Variants in ATOSA observed in about 807,000 individuals in gnomAD.
The protein encoded by ATOSA is atos homolog protein A.
At chr15:52,696,074 T>C in the ATOSA span, among the ~76,000 whole-genome samples, 2 of 152,192 alleles carry the variant, frequency 1.3e-5, no homozygotes, top group Admixed American at 6.5e-5. Context: ...TACGTGGTCT[T>C]ATTTATGTTT....
At chr15:52,654,577 C>T in the ATOSA span, among the ~76,000 whole-genome samples, 3 of 152,126 alleles carry the variant, frequency 2.0e-5, no homozygotes, top group East Asian at 5.8e-4. Flanking sequence ...TTCCCCTGCT[C>T]CTCCGGAACA....
the ATOSA span, chr15:52,590,923 G>C: frequency 2.6e-5 from 4 of 152,226 alleles, no homozygotes; most frequent in African/African-American, 9.6e-5. Context: ...ATTAAATTCA[G>C]TAACCTGATT....
the ATOSA span, among the ~76,000 whole-genome samples, chr15:52,608,373 A>C: frequency 1.7e-4 from 26 of 152,144 alleles, no homozygotes; most frequent in African/African-American, 6.0e-4. Flanking sequence ...TCCTCCATTT[A>C]CTTAGCATTT....
chr15:52,603,673 G>A, the ATOSA span, among the ~76,000 whole-genome samples: 1 of 152,144 alleles, frequency 6.6e-6, no homozygotes, highest in South Asian at 2.1e-4. Context: ...CCTGTCATTT[G>A]CAACAATATG....
At chr15:52,648,551 G>A in the ATOSA span, 1 of 152,062 alleles carries the variant, frequency 6.6e-6, no homozygotes, top group South Asian at 2.1e-4. Flanking sequence ...ATTATTGAAT[G>A]ACAGAACGAT....
At chr15:52,629,140 G>T in the ATOSA span, among the ~76,000 whole-genome samples, 4 of 151,952 alleles carry the variant, frequency 2.6e-5, no homozygotes, top group African/African-American at 9.7e-5. Flanking sequence ...GAGTTTTTTT[G>T]GATTGCTTTT....
At chr15:52,654,978 C>A in the ATOSA span, among the ~76,000 whole-genome samples, 1 of 151,956 alleles carries the variant, frequency 6.6e-6, no homozygotes, top group African/African-American at 2.4e-5. Flanking sequence ...TACCTACTGG[C>A]CCATGGGCCA....
At chr15:52,676,779 C>T in the ATOSA span, among the ~76,000 whole-genome samples, 3 of 152,182 alleles carry the variant, frequency 2.0e-5, no homozygotes, top group South Asian at 2.1e-4. Context: ...TGTAAAGCAA[C>T]TTTTCACAAC....
At chr15:52,666,926 G>C in the ATOSA span, among the ~76,000 whole-genome samples, 2 of 152,006 alleles carry the variant, frequency 1.3e-5, no homozygotes, top group Non-Finnish European at 2.9e-5. Flanking sequence ...GTCCGAGAAG[G>C]CTTCTTTGAT....
chr15:52,642,021 A>C, the ATOSA span, among the ~76,000 whole-genome samples: 1,133 of 152,356 alleles, frequency 7.4e-3, 14 homozygotes, highest in African/African-American at 0.026. Flanking sequence ...ATTCTCACAC[A>C]ATGAGAACTG....
the ATOSA span, among the ~76,000 whole-genome samples, chr15:52,666,662 G>A: frequency 6.6e-6 from 1 of 152,168 alleles, no homozygotes; most frequent in Non-Finnish European, 1.5e-5. Flanking sequence ...ATATTAAAAT[G>A]CATGCCAAGT....
the ATOSA span, among the ~76,000 whole-genome samples, chr15:52,645,606 G>A: frequency 3.3e-5 from 5 of 152,122 alleles, no homozygotes; most frequent in East Asian, 5.8e-4. Context: ...CAGTGTTATC[G>A]AGAAAACTTA....
chr15:52,625,620 T>C, the ATOSA span, among the ~76,000 whole-genome samples: 1 of 151,986 alleles, frequency 6.6e-6, no homozygotes, highest in Non-Finnish European at 1.5e-5. Context: ...TTCAACCAAG[T>C]ATCTCTGCTC....
the ATOSA span, among the ~76,000 whole-genome samples, chr15:52,660,586 G>C: frequency 5.9e-5 from 9 of 152,308 alleles, no homozygotes; most frequent in Admixed American, 1.3e-4. Flanking sequence ...ACGCACTGAA[G>C]AAATGCTAAT....
chr15:52,627,163 T>C, the ATOSA span, among the ~76,000 whole-genome samples: 1 of 152,150 alleles, frequency 6.6e-6, no homozygotes, highest in Non-Finnish European at 1.5e-5. Flanking sequence ...CTAAACCTGA[T>C]ACTTTCAAAG....
At chr15:52,642,807 A>C in the ATOSA span, among the ~76,000 whole-genome samples, 1 of 152,016 alleles carries the variant, frequency 6.6e-6, no homozygotes, top group African/African-American at 2.4e-5. Flanking sequence ...TGAAAAAAAG[A>C]TCCTATTTAT....
the ATOSA span, among the ~76,000 whole-genome samples, chr15:52,658,986 A>C: frequency 6.6e-6 from 1 of 151,950 alleles, no homozygotes; most frequent in Non-Finnish European, 1.5e-5. Context: ...ACCTGTCTCA[A>C]AAAACAAAAA....
chr15:52,629,258 C>T, the ATOSA span, among the ~76,000 whole-genome samples: 1 of 151,992 alleles, frequency 6.6e-6, no homozygotes, highest in Non-Finnish European at 1.5e-5. Context: ...AGAGATTATA[C>T]CCCCTCCCCA....
chr15:52,634,218 A>C, the ATOSA span, among the ~76,000 whole-genome samples: 1 of 152,152 alleles, frequency 6.6e-6, no homozygotes, highest in Non-Finnish European at 1.5e-5. Flanking sequence ...GGATCACCTG[A>C]GGTCAGGAGT....
Sources: gnomAD v4.1 joint callset for allele counts (sites outside exome capture counted in the v4.1 genomes callset) on GRCh38, gnomAD v4.1.1 for gene constraint, MANE v1.5 for transcripts, NCBI Gene and HGNC (gene_info 2026-07-23, HGNC 2026-07-21) for gene names.